Variants in DCAF12 observed in about 807,000 individuals in gnomAD.
DCAF12 encodes the protein DDB1 and CUL4 associated factor 12.
DCAF12 carries 28 observed loss-of-function variants against 52.8 expected under a neutral mutation model. The ratio of observed to expected loss-of-function variants is 0.53; its 90% CI spans 0.39 to 0.73. DCAF12 has a LOEUF of 0.73. DCAF12 is among the 30% of genes least tolerant of loss of function. The pLI, the probability that DCAF12 is intolerant of heterozygous loss-of-function variation, is 0.00. For missense variants in DCAF12, 425 were observed against 552.2 expected (o/e 0.77, Z 2.31); for synonymous variants, 196 against 215.5 (o/e 0.91, Z 0.79).
chr9:34,111,860 C>A (rs529266935), intron 2 of DCAF12, among the ~76,000 whole-genome samples: 3 of 152,026 alleles, frequency 2.0e-5, no homozygotes, highest in Non-Finnish European at 2.9e-5. Flanking sequence ...ATGGGCCAGG[C>A]GCAGTGGCTT....
chr9:34,119,651 G>A (rs1052574334), intron 2 of DCAF12, among the ~76,000 whole-genome samples: 13 of 151,622 alleles, frequency 8.6e-5, no homozygotes, highest in African/African-American at 3.2e-4. Context: ...TTAGGCAAAA[G>A]GGTATAACAT....
At chr9:34,098,218 A>G in intron 5 of DCAF12, 106 bp downstream of exon 5, 2 of 1,248,648 alleles carry the variant, frequency 1.6e-6, no homozygotes, top group Non-Finnish European at 1.1e-6. Context: ...CTGTGGGCTC[A>G]GAACCATGCT....
At chr9:34,113,612 T>C (rs1278862099) in intron 2 of DCAF12, among the ~76,000 whole-genome samples, 1 of 151,820 alleles carries the variant, frequency 6.6e-6, no homozygotes, top group Non-Finnish European at 1.5e-5. Context: ...AGTGCTGGGA[T>C]TACAAGCATG....
intron 4 of DCAF12, among the ~76,000 whole-genome samples, chr9:34,105,958 CA>C: frequency 6.6e-6 from 1 of 152,052 alleles, no homozygotes; most frequent in Non-Finnish European, 1.5e-5. Flanking sequence ...CCATGCTGGC[CA>C]GCCTGGTCTC....
At chr9:34,095,888 T>C (rs1049226105) in intron 6 of DCAF12, 1 of 152,168 alleles carries the variant, frequency 6.6e-6, no homozygotes, top group African/African-American at 2.4e-5. Flanking sequence ...AATACTTAAA[T>C]GCATTGTTGA....
chr9:34,110,915 T>C (rs1416950084), intron 2 of DCAF12, among the ~76,000 whole-genome samples: 1 of 152,040 alleles, frequency 6.6e-6, no homozygotes, highest in African/African-American at 2.4e-5. Context: ...AATTCTTCAA[T>C]GAAATATAAT....
intron 4 of DCAF12, among the ~76,000 whole-genome samples, chr9:34,099,813 C>T (rs1828798407): frequency 6.6e-6 from 1 of 151,786 alleles, no homozygotes; most frequent in African/African-American, 2.4e-5. Context: ...AGGCTGGTGT[C>T]GAACTCCTGA....
chr9:34,126,465 TG>T lies in DCAF12; in HGVS notation c.-35del. The stretch of plus-strand genomic sequence containing the variant: ...GCGCCGCCGCGGCCCCGCAGCCACA[TG>T]GGGCGGGGGAAGCGAAGGATAGCAG... On this transcript the variant is annotated 5_prime_UTR_variant, in exon 1 of 9. Transcript: ENST00000361264. 1 of 1,595,384 alleles carries T rather than the reference TG, an allele frequency of 6.3e-7. No individual in the cohort carries two copies. Among genetic ancestry groups the T allele is most frequent in the Non-Finnish European group, 8.5e-7 (1 of 1,176,250 alleles).
intron 4 of DCAF12, among the ~76,000 whole-genome samples, chr9:34,098,780 T>A (rs572433190): frequency 1.9e-3 from 285 of 152,312 alleles, no homozygotes; most frequent in African/African-American, 4.0e-3. Context: ...TATTATTATT[T>A]TTTTTTGAGA....
chr9:34,116,545 C>T (rs977784267), intron 2 of DCAF12, among the ~76,000 whole-genome samples: 2 of 151,778 alleles, frequency 1.3e-5, no homozygotes, highest in African/African-American at 4.8e-5. Context: ...CATAGTAGTG[C>T]GTACCTGTAG....
chr9:34,124,975 A>C (rs374102358), intron 2 of DCAF12, 48 bp downstream of exon 2: 1 of 1,598,340 alleles, frequency 6.3e-7, no homozygotes, highest in African/African-American at 1.3e-5. Context: ...CAAGTGGAGC[A>C]ATATATCCAC....
At chr9:34,120,258 T>C (rs988178977) in intron 2 of DCAF12, among the ~76,000 whole-genome samples, 2 of 132,466 alleles carry the variant, frequency 1.5e-5, no homozygotes, top group African/African-American at 2.9e-5. Context: ...GCATGTGATA[T>C]AGTCCCAGCT....
intron 6 of DCAF12, 117 bp from the exon 7 acceptor site, chr9:34,093,565 C>T (rs560503786): frequency 1.8e-6 from 2 of 1,126,184 alleles, no homozygotes; most frequent in Non-Finnish European, 2.6e-6. Context: ...TAAAATCAAG[C>T]CCTGATTACA....
chr9:34,117,307 C>T (rs1346579955), intron 2 of DCAF12, among the ~76,000 whole-genome samples: 5 of 148,744 alleles, frequency 3.4e-5, no homozygotes, highest in East Asian at 2.0e-4. Context: ...CCCACCACCA[C>T]GCCCGGCTAA....
At chr9:34,099,153 G>A (rs973757728) in intron 4 of DCAF12, among the ~76,000 whole-genome samples, 16 of 147,728 alleles carry the variant, frequency 1.1e-4, no homozygotes, top group Admixed American at 2.0e-4. Flanking sequence ...CTGCAACCTC[G>A]GCCTCCTGGG....
intron 6 of DCAF12, among the ~76,000 whole-genome samples, chr9:34,095,372 C>CTTTTT (rs36066422): frequency 3.8e-5 from 3 of 78,166 alleles, no homozygotes; most frequent in South Asian, 5.1e-4. Context: ...CGCGCCAGGC[C>CTTTTT]TTTTTTTTTT....
At chr9:34,119,462 C>T (rs1445293464) in intron 2 of DCAF12, among the ~76,000 whole-genome samples, 2 of 152,130 alleles carry the variant, frequency 1.3e-5, no homozygotes, top group Admixed American at 6.6e-5. Context: ...TTTCATTAAA[C>T]GTACTGAATT....
chr9:34,126,469 G>C lies in DCAF12; in HGVS notation c.-38C>G. 6.3e-7 allele frequency: 1 copy of C among 1,591,730 alleles called. No individual in the cohort carries two copies. The highest frequency in any genetic ancestry group is 1.1e-5 in the South Asian group (1 of 89,570). On this transcript the variant is annotated 5_prime_UTR_variant, in exon 1 of 9. Transcript: ENST00000361264. ...CGCCGCGGCCCCGCAGCCACATGGG[G>C]CGGGGGAAGCGAAGGATAGCAGGAC...
At chr9:34,092,587 G>A (rs1435098025) in intron 7 of DCAF12, among the ~76,000 whole-genome samples, 1 of 151,836 alleles carries the variant, frequency 6.6e-6, no homozygotes, top group Non-Finnish European at 1.5e-5. Flanking sequence ...TCGCGAGGCT[G>A]AGGCAGGAGA....
Sources: allele counts gnomAD v4.1 joint callset (sites outside exome capture counted in the v4.1 genomes callset), GRCh38; gene constraint gnomAD v4.1.1; transcripts MANE v1.5; gene names NCBI Gene and HGNC (gene_info 2026-07-23, HGNC 2026-07-21).